IQSEC3: variants seen among roughly 807,000 people sequenced by gnomAD.
The protein encoded by IQSEC3 is IQ motif and SEC7 domain-containing protein 3.
IQSEC3 carries 50 observed loss-of-function variants against 105.4 expected under a neutral mutation model. The observed-to-expected ratio is 0.47, with a 90% CI of 0.38 to 0.60. The LOEUF (loss-of-function observed/expected upper bound fraction) is 0.60. IQSEC3 is among the 20% of genes least tolerant of loss of function. IQSEC3 has a pLI of 0.00. For missense variants in IQSEC3, 1,415 were observed against 1,630.0 expected (o/e 0.87, Z 2.27); for synonymous variants, 708 against 746.0 (o/e 0.95, Z 0.83).
chr12:73,154 T>C (rs1240175363), intron 1 of IQSEC3, among the ~76,000 whole-genome samples: 1 of 151,794 alleles, frequency 6.6e-6, no homozygotes, highest in Non-Finnish European at 1.5e-5. Context: ...CTGAAAGGAA[T>C]TTCAGGTAAC....
intron 5 of IQSEC3, among the ~76,000 whole-genome samples, chr12:149,704 G>A (rs1565436838): frequency 6.6e-6 from 1 of 152,228 alleles, no homozygotes; most frequent in Non-Finnish European, 1.5e-5. Context: ...GTCGACAGAA[G>A]GTGGGTTCCG....
At chr12:130,999 T>C (rs535997715) in intron 3 of IQSEC3, among the ~76,000 whole-genome samples, 8 of 49,300 alleles carry the variant, frequency 1.6e-4, no homozygotes, top group Non-Finnish European at 3.4e-4. Context: ...CTCAGCACTG[T>C]GCCCCCCAGC....
chr12:162,616 G>A (rs937210882), intron 8 of IQSEC3, among the ~76,000 whole-genome samples: 38 of 152,156 alleles, frequency 2.5e-4, no homozygotes, highest in African/African-American at 8.9e-4. Context: ...TTGCCTCAGG[G>A]GACGGTGTGG....
In IQSEC3 at chr12:138,937, G is replaced by T; in HGVS notation, c.1574G>T (p.Gly525Val). 6.3e-7 allele frequency: 1 copy of T among 1,585,578 alleles called. No individual in the cohort carries two copies. The highest frequency in any genetic ancestry group is 8.6e-7 in the Non-Finnish European group (1 of 1,167,236). ...TVQAPAEPAA[G>V]KAEQGETSGR... ...CAGGCCCCCGCAGAGCCCGCGGCGG[G>T]CAAGGCCGAGCAGGGCGAGACCTCT... is the stretch of plus-strand genomic sequence containing the variant. Residue 525 changes from glycine (G) to valine (V), a missense_variant, in exon 4 of 14, where the codon GGC (glycine) becomes GTC (valine). This residue lies in a region of IQSEC3 where 720 missense variants were observed against 633.0 expected (regional missense o/e 1.14). Coordinates refer to ENST00000538872, the MANE Select transcript of IQSEC3 (RefSeq NM_001170738.2). This position sits in a 1 kb window ranked among gnomAD's most constrained non-coding sequence, Gnocchi z 7.1.
At chr12:132,087 C>T (rs1006300358) in intron 3 of IQSEC3, among the ~76,000 whole-genome samples, 2 of 151,946 alleles carry the variant, frequency 1.3e-5, no homozygotes, top group Non-Finnish European at 2.9e-5. Flanking sequence ...AATTGGGGCC[C>T]GAGGCAGGGA....
At chr12:147,555 G>T (rs1191741851) in intron 5 of IQSEC3, among the ~76,000 whole-genome samples, 2 of 152,088 alleles carry the variant, frequency 1.3e-5, no homozygotes, top group Non-Finnish European at 2.9e-5. Context: ...CGTCATTCCA[G>T]GACCCCTGTG....
In IQSEC3 at chr12:138,135, C is replaced by T; in HGVS notation, c.904-132C>T. 1 of 769,544 alleles carries T rather than the reference C, an allele frequency of 1.3e-6. No individual in the cohort carries two copies. The highest frequency in any genetic ancestry group is 2.1e-6 in the Non-Finnish European group (1 of 483,126). 47.7% of individuals were successfully genotyped at this position (769,544 alleles called of 1,614,324 possible). A position where few individuals can be genotyped will look rare whatever the true frequency, so the allele number is the denominator to read the frequency against. ...CTAGGCGGTTCAGACTTTAGCTGCC[C>T]AGGAGCGCCCCCCCGCCCCCGTCCA... On this transcript the variant is annotated intron_variant, in intron 3 of 13. Coordinates refer to ENST00000538872, the MANE Select transcript of IQSEC3 (RefSeq NM_001170738.2). This position sits in a 1 kb window ranked among gnomAD's most constrained non-coding sequence, Gnocchi z 7.1.
intron 2 of IQSEC3, among the ~76,000 whole-genome samples, chr12:103,742 G>T (rs1243720107): frequency 5.1e-5 from 1 of 19,568 alleles, no homozygotes; most frequent in African/African-American, 2.9e-4. Context: ...TGGAGTTCGG[G>T]GGGAGGCAGG....
intron 2 of IQSEC3, among the ~76,000 whole-genome samples, chr12:103,794 GCAGGAGACGT>G (rs1864534943): frequency 5.6e-5 from 1 of 17,828 alleles, no homozygotes; most frequent in Non-Finnish European, 1.2e-4. Context: ...CGGGGCTCAG[GCAGGAGACGT>G]GGGACTCAGG....
chr12:125,607 C>A (rs781901680), intron 2 of IQSEC3, 26 bp from the exon 3 acceptor site: 1 of 1,473,896 alleles, frequency 6.8e-7, no homozygotes, highest in Non-Finnish European at 8.9e-7. Flanking sequence ...CTCCCCCAAC[C>A]GAGCACCGTT....
intron 2 of IQSEC3, among the ~76,000 whole-genome samples, chr12:101,522 T>C (rs531424658): frequency 6.6e-6 from 1 of 152,112 alleles, no homozygotes; most frequent in African/African-American, 2.4e-5. Context: ...GGATATTCTC[T>C]TGAATGTTGG....
chr12:177,632 G>A lies in IQSEC3; in HGVS notation c.*2599G>A, dbSNP rs79385812. 9.2e-5 allele frequency: 14 copies of A among 152,366 alleles called. No homozygotes were observed. The highest frequency in any genetic ancestry group is 3.4e-4 in the African/African-American group (14 of 41,438). 9.4% of individuals were successfully genotyped at this position (152,366 alleles called of 1,614,324 possible). On this transcript the variant is annotated 3_prime_UTR_variant, in exon 14 of 14. Coordinates refer to ENST00000538872, the MANE Select transcript of IQSEC3 (RefSeq NM_001170738.2). The surrounding 1 kb of genome is among the most constrained non-coding windows in gnomAD (Gnocchi z 5.3). ...TGGGAGGGGCATTTAACACCCCTGAGGGCCTGGGGCAGGACACAGCTGGCC... is the reference window on the plus strand; with the variant it reads ...TGGGAGGGGCATTTAACACCCCTGAAGGCCTGGGGCAGGACACAGCTGGCC...
chr12:131,011 AGCGGCTCTTCCTCCCC>A (rs1555084872), intron 3 of IQSEC3, among the ~76,000 whole-genome samples: 52 of 46,950 alleles, frequency 1.1e-3, no homozygotes, highest in Non-Finnish European at 1.7e-3. Flanking sequence ...CCCCCCAGCT[AGCGGCTCTTCCTCCCC>A]ACACCTGGCC....
At chr12:141,323 C>G in intron 5 of IQSEC3, 38 bp downstream of exon 5, 2 of 1,590,478 alleles carry the variant, frequency 1.3e-6, no homozygotes, top group Non-Finnish European at 1.7e-6. Context: ...CCACTCCTTC[C>G]CACACCCCAC....
At chr12:71,461 T>C (rs1863315163) in intron 1 of IQSEC3, among the ~76,000 whole-genome samples, 1 of 152,280 alleles carries the variant, frequency 6.6e-6, no homozygotes, top group African/African-American at 2.4e-5. Flanking sequence ...AAAGCAATCC[T>C]CTATCAGAAC....
At chr12:103,946 A>G (rs1485120892) in intron 2 of IQSEC3, among the ~76,000 whole-genome samples, 1 of 97,196 alleles carries the variant, frequency 1.0e-5, no homozygotes, top group African/African-American at 4.4e-5. Flanking sequence ...AACAACCCCT[A>G]GGCCTCCAGA....
chr12:156,464 G>A (rs1866689722), intron 5 of IQSEC3, among the ~76,000 whole-genome samples: 1 of 152,022 alleles, frequency 6.6e-6, no homozygotes, highest in Non-Finnish European at 1.5e-5. Flanking sequence ...GGGCAGCTGG[G>A]GGGAGCTGGG....
chr12:136,230 G>A (rs1442220387), intron 3 of IQSEC3, among the ~76,000 whole-genome samples: 3 of 151,568 alleles, frequency 2.0e-5, no homozygotes, highest in Admixed American at 6.6e-5. Context: ...TTGGATGTTG[G>A]GGGAGACAGA....
At chr12:165,292 A>C in intron 9 of IQSEC3, 142 bp from the exon 10 acceptor site, 3 of 682,832 alleles carry the variant, frequency 4.4e-6, no homozygotes, top group South Asian at 3.4e-5. Flanking sequence ...TAGTGTGTGC[A>C]CATATATGTA....
Sources: gnomAD v4.1 joint callset for allele counts (sites outside exome capture counted in the v4.1 genomes callset) on GRCh38, gnomAD v4.1.1 for gene constraint, gnomAD v4.1.1 regional missense constraint, Gnocchi (gnomAD v3.1) non-coding constraint, MANE v1.5 for transcripts, NCBI Gene and HGNC (gene_info 2026-07-23, HGNC 2026-07-21) for gene names.